Variants in MARCHF11 observed in about 807,000 individuals in gnomAD.
MARCHF11 encodes membrane associated ring-CH-type finger 11.
Under a neutral mutation model 37.3 loss-of-function variants are expected in MARCHF11, and 29 were observed. That is an observed-to-expected ratio of 0.78 (90% CI 0.58 to 1.06). The LOEUF (loss-of-function observed/expected upper bound fraction) is 1.06. Ranked by LOEUF, MARCHF11 falls within the 50% of genes least tolerant of loss-of-function variation. The probability of loss-of-function intolerance (pLI) is 0.00; values close to 1 mark genes in which losing one functional copy is unlikely to be tolerated. For missense variants in MARCHF11, 482 were observed against 533.4 expected (o/e 0.90, Z 0.95); for synonymous variants, 233 against 228.0 (o/e 1.02, Z -0.20).
At chr5:16,073,001 T>G (rs963724314) in intron 3 of MARCHF11, among the ~76,000 whole-genome samples, 4 of 152,188 alleles carry the variant, frequency 2.6e-5, no homozygotes, top group African/African-American at 9.6e-5. Flanking sequence ...TTTACTCATG[T>G]TTTAAACGAG....
chr5:16,091,658 T>C (rs1736792540), intron 2 of MARCHF11, among the ~76,000 whole-genome samples: 1 of 152,234 alleles, frequency 6.6e-6, no homozygotes, highest in Non-Finnish European at 1.5e-5. Flanking sequence ...CAGATATTAC[T>C]GACTTTTTAT....
At chr5:16,118,125 T>A (rs1004173974) in intron 2 of MARCHF11, among the ~76,000 whole-genome samples, 1 of 152,268 alleles carries the variant, frequency 6.6e-6, no homozygotes, top group Middle Eastern at 3.4e-3. Context: ...CAAGCACCTG[T>A]GGCAATCCTG....
intron 2 of MARCHF11, among the ~76,000 whole-genome samples, chr5:16,117,766 C>T (rs894149073): frequency 2.0e-5 from 3 of 152,166 alleles, no homozygotes; most frequent in Non-Finnish European, 2.9e-5. Context: ...AAATAACCTA[C>T]GACATAAAAT....
intron 2 of MARCHF11, among the ~76,000 whole-genome samples, chr5:16,152,500 G>A (rs1035766910): frequency 1.3e-5 from 2 of 151,986 alleles, no homozygotes; most frequent in African/African-American, 2.4e-5. Flanking sequence ...GCCTGACTAA[G>A]ACAAGAAGGA....
chr5:16,142,620 C>T lies in MARCHF11; in HGVS notation c.693+35106G>A, dbSNP rs180873946. Among the ~76,000 whole-genome samples the T allele has an allele frequency of 1.4e-3, 212 of 152,154 alleles. 1 individual carries two copies. The Middle Eastern group carries it at 0.027, about 20-fold the overall frequency. On this transcript the variant is annotated intron_variant, in intron 2 of 3. Transcript: ENST00000332432. ...ACTCGCACATTTCTGGCTTCCACTA[C>T]CCCGGCCTCCCTCTTTTTTGTTAGC...
intron 2 of MARCHF11, among the ~76,000 whole-genome samples, chr5:16,108,148 AT>A (rs1463249574): frequency 1.3e-5 from 2 of 152,196 alleles, no homozygotes; most frequent in Non-Finnish European, 2.9e-5. Flanking sequence ...ACACTGTAAC[AT>A]GCTTCCTTGG....
At chr5:16,078,301 A>C (rs1161068663) in intron 3 of MARCHF11, among the ~76,000 whole-genome samples, 1 of 152,132 alleles carries the variant, frequency 6.6e-6, no homozygotes, top group Non-Finnish European at 1.5e-5. Flanking sequence ...GTGCCTCCTA[A>C]GGTGGTTATG....
intron 2 of MARCHF11, among the ~76,000 whole-genome samples, chr5:16,122,175 A>T (rs1211060629): frequency 6.6e-6 from 1 of 152,176 alleles, no homozygotes; most frequent in Non-Finnish European, 1.5e-5. Context: ...CCAATGCCTT[A>T]TTCAGAAATT....
Position 16,179,479 on chromosome 5 carries a change from TCGG to T in MARCHF11, c.94_96del (p.Pro32del), listed in dbSNP as rs1017917272. 4.2e-4 allele frequency: 471 copies of T among 1,128,784 alleles called. No individual in the cohort carries two copies. The highest frequency in any genetic ancestry group is 4.1e-3 in the African/African-American group (246 of 59,410). 69.9% of individuals were successfully genotyped at this position (1,128,784 alleles called of 1,614,324 possible). A position where few individuals can be genotyped will look rare whatever the true frequency, so the allele number is the denominator to read the frequency against. ...GGGGCCGGCTCTCCCGGCGGCGGCGTCGGCGGCGGCGGCGGGGGAGGTTGCGGG... is the reference window on the plus strand; with the variant it reads ...GGGGCCGGCTCTCCCGGCGGCGGCGTCGGCGGCGGCGGGGGAGGTTGCGGG... On this transcript the variant is annotated inframe_deletion, in exon 1 of 4. Coordinates refer to ENST00000332432, the MANE Select transcript of MARCHF11 (RefSeq NM_001102562.3).
At chr5:16,108,247 C>T (rs987815245) in intron 2 of MARCHF11, among the ~76,000 whole-genome samples, 2 of 152,106 alleles carry the variant, frequency 1.3e-5, no homozygotes, top group Non-Finnish European at 2.9e-5. Flanking sequence ...CAGAGCTGGG[C>T]AGGGCTGGAG....
chr5:16,152,987 A>G (rs550630110), intron 2 of MARCHF11, among the ~76,000 whole-genome samples: 1 of 151,994 alleles, frequency 6.6e-6, no homozygotes, highest in Non-Finnish European at 1.5e-5. Context: ...TTATTGATGC[A>G]TTGTCCAATG....
intron 2 of MARCHF11, among the ~76,000 whole-genome samples, chr5:16,118,472 A>G (rs948861635): frequency 2.6e-4 from 39 of 152,226 alleles, no homozygotes; most frequent in African/African-American, 9.2e-4. Context: ...GGTGCTATGC[A>G]CTGAGACGAG....
At chr5:16,113,043 G>A (rs575941804) in intron 2 of MARCHF11, among the ~76,000 whole-genome samples, 4 of 152,172 alleles carry the variant, frequency 2.6e-5, no homozygotes, top group East Asian at 3.9e-4. Context: ...AGACTAATAC[G>A]TAACCAGAAA....
chr5:16,177,061 G>A (rs1159754901), intron 2 of MARCHF11, among the ~76,000 whole-genome samples: 1 of 152,098 alleles, frequency 6.6e-6, no homozygotes, highest in Non-Finnish European at 1.5e-5. Flanking sequence ...AGATTTATGT[G>A]TATTATGTTA....
intron 2 of MARCHF11, among the ~76,000 whole-genome samples, chr5:16,169,485 T>G (rs1738223113): frequency 1.3e-5 from 2 of 152,226 alleles, no homozygotes; most frequent in East Asian, 3.9e-4. Flanking sequence ...ATGGTAGTTT[T>G]CAAAGCATTC....
At chr5:16,089,319 G>T (rs1736753383) in intron 3 of MARCHF11, among the ~76,000 whole-genome samples, 1 of 152,076 alleles carries the variant, frequency 6.6e-6, no homozygotes. Context: ...TGTGTTAAGG[G>T]ATTCAATTTG....
chr5:16,144,833 G>A (rs964821506), intron 2 of MARCHF11, among the ~76,000 whole-genome samples: 17 of 152,192 alleles, frequency 1.1e-4, no homozygotes, highest in East Asian at 1.9e-4. Context: ...AAGTAGGAAC[G>A]TGGGGATAGC....
intron 3 of MARCHF11, among the ~76,000 whole-genome samples, chr5:16,078,074 C>T (rs888339081): frequency 2.6e-5 from 4 of 152,104 alleles, no homozygotes; most frequent in African/African-American, 7.2e-5. Flanking sequence ...GAAAACATTT[C>T]GTAAGTTCTT....
rs540740606 is a variant in MARCHF11 at position 16,158,792 on chromosome 5, CT to C, written c.693+18933del. 6.9e-4 allele frequency among the ~76,000 whole-genome samples: 105 copies of C among 152,010 alleles called. 1 individual carries two copies. The highest frequency in any genetic ancestry group is 6.8e-3 in the Middle Eastern group (2 of 294). On this transcript the variant is annotated intron_variant, in intron 2 of 3. Coordinates refer to ENST00000332432, the MANE Select transcript of MARCHF11 (RefSeq NM_001102562.3). ...AAGTGTGCCATGGTGGTTTGCTGCACTTATCAACCCATCACCTAGATATTAA... is the reference window on the plus strand; with the variant it reads ...AAGTGTGCCATGGTGGTTTGCTGCACTATCAACCCATCACCTAGATATTAA...
Sources: allele counts gnomAD v4.1 joint callset (sites outside exome capture counted in the v4.1 genomes callset), GRCh38; gene constraint gnomAD v4.1.1; transcripts MANE v1.5; gene names NCBI Gene and HGNC (gene_info 2026-07-23, HGNC 2026-07-21).